Variants in UBXN7 observed in about 807,000 individuals in gnomAD.
UBXN7 encodes UBX domain protein 7.
Under a neutral mutation model 58.0 loss-of-function variants are expected in UBXN7, and 9 were observed. The observed-to-expected ratio is 0.16, with a 90% CI of 0.09 to 0.27. The LOEUF is 0.27. Ranked by LOEUF, UBXN7 falls within the 10% of genes least tolerant of loss-of-function variation. UBXN7 has a pLI of 1.00. For synonymous variants in UBXN7, 208 were observed against 205.0 expected (o/e 1.01, Z -0.12); for missense variants, 328 against 599.6 (o/e 0.55, Z 4.73).
At chr3:196,392,948 C>G (rs1376919442) in intron 4 of UBXN7, among the ~76,000 whole-genome samples, 1 of 152,166 alleles carries the variant, frequency 6.6e-6, no homozygotes, top group African/African-American at 2.4e-5. Flanking sequence ...GTCACAAGAC[C>G]TATCTGTGCC....
In UBXN7 at chr3:196,371,883, C is replaced by T. The variant is rs1256106841; in HGVS notation, c.615+13G>A. On this transcript the variant is annotated intron_variant, in intron 6 of 10. Coordinates refer to ENST00000296328, the MANE Select transcript of UBXN7 (RefSeq NM_015562.2). ...AAAATTCTACAAAACTTCTGATTAA[C>T]TCTCCTTCTCACCTGCCAGAAAATG... The T allele has an allele frequency of 1.2e-6, 2 of 1,605,912 alleles. No homozygotes were observed. Among genetic ancestry groups the T allele is most frequent in the Non-Finnish European group, 1.7e-6 (2 of 1,177,160 alleles).
chr3:196,424,080 A>G (rs1730772406), intron 1 of UBXN7, among the ~76,000 whole-genome samples: 3 of 151,600 alleles, frequency 2.0e-5, no homozygotes, highest in Admixed American at 1.3e-4. Context: ...TAGTGGAGAC[A>G]GGGTTTCACC....
chr3:196,431,180 T>A (rs769844470), intron 1 of UBXN7, among the ~76,000 whole-genome samples: 9 of 152,234 alleles, frequency 5.9e-5, no homozygotes, highest in Non-Finnish European at 1.3e-4. Flanking sequence ...AGTGGAAACA[T>A]TCTCCGCATC....
intron 1 of UBXN7, among the ~76,000 whole-genome samples, chr3:196,425,890 T>C (rs1730833754): frequency 6.6e-6 from 1 of 152,174 alleles, no homozygotes; most frequent in Non-Finnish European, 1.5e-5. Flanking sequence ...TATTAGCTCC[T>C]TACCATTCTC....
intron 10 of UBXN7, among the ~76,000 whole-genome samples, chr3:196,358,512 G>A (rs1004154136): frequency 1.3e-5 from 2 of 152,198 alleles, no homozygotes; most frequent in African/African-American, 4.8e-5. Flanking sequence ...GGGGAAGGAG[G>A]ATGACTTGAG....
chr3:196,362,833 T>G, intron 8 of UBXN7, 146 bp from the exon 9 acceptor site: 1 of 935,000 alleles, frequency 1.1e-6, no homozygotes, highest in Middle Eastern at 3.5e-4. Flanking sequence ...GGACTGTGTC[T>G]TACACAGCCA....
At chr3:196,424,246 GT>G (rs761176896) in intron 1 of UBXN7, among the ~76,000 whole-genome samples, 1 of 151,926 alleles carries the variant, frequency 6.6e-6, no homozygotes, top group Non-Finnish European at 1.5e-5. Flanking sequence ...TACATCTTTG[GT>G]TTTTCCTGAG....
At chr3:196,429,310 G>C (rs1252498330) in intron 1 of UBXN7, among the ~76,000 whole-genome samples, 1 of 150,484 alleles carries the variant, frequency 6.6e-6, no homozygotes, top group Non-Finnish European at 1.5e-5. Context: ...CTGGGTGACA[G>C]AGCGAGACTC....
rs950287562 is a variant in UBXN7, at chr3:196,348,628, T to G, written c.*8057A>C. Reference sequence around the variant, plus strand: ...AACACTTTAAAGCAAATACCCCAAGTTGACTTCACTCAAGCCCCCAACCCA... The same window carrying G: ...AACACTTTAAAGCAAATACCCCAAGGTGACTTCACTCAAGCCCCCAACCCA... On this transcript the variant is annotated 3_prime_UTR_variant, in exon 11 of 11. Transcript: ENST00000296328. 1 of 152,136 alleles carries G rather than the reference T, an allele frequency of 6.6e-6. No individual in the cohort carries two copies. The highest frequency in any genetic ancestry group is 1.5e-5 in the Non-Finnish European group (1 of 68,034). The allele number at this position is 152,136 out of a possible 1,614,324, so 9.4% of individuals were successfully genotyped here. A position where few individuals can be genotyped will look rare whatever the true frequency, so the allele number is the denominator to read the frequency against.
intron 5 of UBXN7, among the ~76,000 whole-genome samples, chr3:196,378,288 G>A (rs1729093926): frequency 6.6e-6 from 1 of 152,148 alleles, no homozygotes; most frequent in Non-Finnish European, 1.5e-5. Flanking sequence ...GGATTTCCTA[G>A]TGTCCCTTGC....
intron 1 of UBXN7, among the ~76,000 whole-genome samples, chr3:196,419,637 G>C (rs1048959161): frequency 6.6e-6 from 1 of 152,140 alleles, no homozygotes; most frequent in Non-Finnish European, 1.5e-5. Flanking sequence ...TCTTAGTGTC[G>C]AAGCACTAGA....
intron 5 of UBXN7, among the ~76,000 whole-genome samples, chr3:196,378,548 T>C (rs553816366): frequency 4.3e-4 from 65 of 152,376 alleles, no homozygotes; most frequent in African/African-American, 7.2e-4. Flanking sequence ...TTCTTGCTTA[T>C]ATGCTAATCA....
chr3:196,419,964 A>C (rs916267324), intron 1 of UBXN7, among the ~76,000 whole-genome samples: 1 of 152,224 alleles, frequency 6.6e-6, no homozygotes, highest in Non-Finnish European at 1.5e-5. Flanking sequence ...AATATGAAGA[A>C]GTGAAGGTTA....
At position 196,348,595 on chromosome 3, in the gene UBXN7, C is replaced by A. The variant is rs1728138264; in HGVS notation, c.*8090G>T. On this transcript the variant is annotated 3_prime_UTR_variant, in exon 11 of 11. Transcript: ENST00000296328. ...AATCTCTAAATACTGTTAGGAACTG[C>A]TTTAGAAAACACTTTAAAGCAAATA... 1 of 152,170 alleles carries A rather than the reference C, an allele frequency of 6.6e-6. No individual in the cohort carries two copies. The highest frequency in any genetic ancestry group is 2.4e-5 in the African/African-American group (1 of 41,432). The allele number at this position is 152,170 out of a possible 1,614,324, so 9.4% of individuals were successfully genotyped here. A position where few individuals can be genotyped will look rare whatever the true frequency, so the allele number is the denominator to read the frequency against.
chr3:196,348,976 G>C lies in UBXN7; in HGVS notation c.*7709C>G, dbSNP rs897184391. On this transcript the variant is annotated 3_prime_UTR_variant, in exon 11 of 11. Transcript: ENST00000296328. ...ACAAACAAAACAAAAAGTAACACTG[G>C]ATGTTTAGAATTTGTTAACAACAAC... is the stretch of plus-strand genomic sequence containing the variant. The C allele has an allele frequency of 6.6e-6, 1 of 151,658 alleles. No homozygotes were observed. The highest frequency in any genetic ancestry group is 1.5e-5 in the Non-Finnish European group (1 of 68,052). The allele number at this position is 151,658 out of a possible 1,614,324, so 9.4% of individuals were successfully genotyped here. A position where few individuals can be genotyped will look rare whatever the true frequency, so the allele number is the denominator to read the frequency against.
chr3:196,382,840 G>A (rs188320811), intron 5 of UBXN7, among the ~76,000 whole-genome samples: 92 of 152,218 alleles, frequency 6.0e-4, no homozygotes, highest in African/African-American at 1.9e-3. Flanking sequence ...GGTTGGCCGG[G>A]CACAATGGCT....
At chr3:196,368,742 C>A (rs1430641821) in intron 7 of UBXN7, among the ~76,000 whole-genome samples, 1 of 152,186 alleles carries the variant, frequency 6.6e-6, no homozygotes, top group Non-Finnish European at 1.5e-5. Context: ...TTAATAAAAC[C>A]AGCTCCACCC....
chr3:196,396,937 G>A (rs1729794245), intron 3 of UBXN7, among the ~76,000 whole-genome samples: 1 of 152,036 alleles, frequency 6.6e-6, no homozygotes, highest in Non-Finnish European at 1.5e-5. Flanking sequence ...TTCTCTATAA[G>A]GGACTGATCT....
At chr3:196,412,038 G>A (rs912784536) in intron 1 of UBXN7, among the ~76,000 whole-genome samples, 2 of 151,706 alleles carry the variant, frequency 1.3e-5, no homozygotes, top group Non-Finnish European at 2.9e-5. Context: ...AGACCAGCCT[G>A]GCCAACAGGG....
Sources: gnomAD v4.1 joint callset for allele counts (sites outside exome capture counted in the v4.1 genomes callset) on GRCh38, gnomAD v4.1.1 for gene constraint, MANE v1.5 for transcripts, NCBI Gene and HGNC (gene_info 2026-07-23, HGNC 2026-07-21) for gene names.